The following MVB12B variants were observed in gnomAD, a reference collection of about 807,000 sequenced individuals.
MVB12B encodes multivesicular body subunit 12B, also known as ESCRT-I complex subunit MVB12B.
MVB12B carries 16 observed loss-of-function variants against 41.6 expected under a neutral mutation model. That is an observed-to-expected ratio of 0.38 (90% CI 0.26 to 0.58). MVB12B has a LOEUF of 0.58. MVB12B is among the 20% of genes least tolerant of loss of function. MVB12B has a pLI of 0.62. For synonymous variants in MVB12B, 133 were observed against 139.7 expected, an observed-to-expected ratio of 0.95 and a Z score of 0.34; for missense variants, 274 against 380.2, an observed-to-expected ratio of 0.72 and a Z score of 2.32.
chr9:126,375,485 A>G (rs1402212923), intron 2 of MVB12B, among the ~76,000 whole-genome samples: 1 of 147,326 alleles, frequency 6.8e-6, no homozygotes, highest in Non-Finnish European at 1.5e-5. Context: ...ACAGTTCTAA[A>G]TGCTCTCCCC....
At chr9:126,502,537 T>TCC (rs111554225) in intron 9 of MVB12B, among the ~76,000 whole-genome samples, 27 of 148,436 alleles carry the variant, frequency 1.8e-4, no homozygotes, top group African/African-American at 6.3e-4. Flanking sequence ...TGGAGGAAGG[T>TCC]CCCCCCACCG....
intron 7 of MVB12B, among the ~76,000 whole-genome samples, chr9:126,472,469 CAA>C (rs35537694): frequency 1.5e-5 from 2 of 135,194 alleles, no homozygotes; most frequent in Non-Finnish European, 1.6e-5. Context: ...GGTCAGCTGG[CAA>C]AAAAAAAAAA....
At chr9:126,404,708 T>G (rs1827582133) in intron 6 of MVB12B, among the ~76,000 whole-genome samples, 1 of 152,378 alleles carries the variant, frequency 6.6e-6, no homozygotes, top group South Asian at 2.1e-4. Flanking sequence ...GGTCGCCGAC[T>G]GAGGGAACAT....
chr9:126,415,088 C>T (rs922730044), intron 6 of MVB12B, among the ~76,000 whole-genome samples: 1 of 152,132 alleles, frequency 6.6e-6, no homozygotes, highest in Admixed American at 6.5e-5. Context: ...ACTCCCTTGG[C>T]TGGGAGCTGC....
At chr9:126,372,701 G>A (rs1397058677) in intron 2 of MVB12B, among the ~76,000 whole-genome samples, 1 of 152,196 alleles carries the variant, frequency 6.6e-6, no homozygotes, top group African/African-American at 2.4e-5. Flanking sequence ...GAGGCTCAGA[G>A]AGTAAAAGAG....
At chr9:126,365,228 T>TTTG (rs1188341267) in intron 2 of MVB12B, among the ~76,000 whole-genome samples, 1 of 143,640 alleles carries the variant, frequency 7.0e-6, no homozygotes. Context: ...TAATTTTTTT[T>TTTG]TTTTTTTTTT....
At chr9:126,377,292 G>GTGTGCACA (rs950354915) in intron 2 of MVB12B, among the ~76,000 whole-genome samples, 1 of 152,206 alleles carries the variant, frequency 6.6e-6, no homozygotes, top group Non-Finnish European at 1.5e-5. Context: ...GCATGTGCAT[G>GTGTGCACA]TGTGCACATG....
chr9:126,483,880 T>C lies in MVB12B; in HGVS notation c.814-93T>C. 8.5e-6 allele frequency: 11 copies of C among 1,292,962 alleles called. No individual in the cohort carries two copies. In the South Asian group the frequency reaches 1.4e-4, roughly 16 times the overall value. The allele number at this position is 1,292,962 out of a possible 1,614,324, so 80.1% of individuals were successfully genotyped here. ...GGTAGAGAAACGCTAGATCACACCG[T>C]GGCTTGAGGTGTTACCATTGTCATG... is the stretch of plus-strand genomic sequence containing the variant. On this transcript the variant is annotated intron_variant, in intron 8 of 9. Transcript: ENST00000361171.
chr9:126,348,381 C>A (rs1829655883), intron 2 of MVB12B, among the ~76,000 whole-genome samples: 1 of 152,178 alleles, frequency 6.6e-6, no homozygotes, highest in Non-Finnish European at 1.5e-5. Context: ...ACACTTAGCA[C>A]AGTGCTGGCA....
At chr9:126,492,041 C>A (rs1387982035) in intron 9 of MVB12B, among the ~76,000 whole-genome samples, 2 of 151,368 alleles carry the variant, frequency 1.3e-5, no homozygotes, top group African/African-American at 4.9e-5. Context: ...CCAAGGTTGT[C>A]CATGTTTATA....
At chr9:126,487,070 AC>A (rs1462251643) in intron 9 of MVB12B, among the ~76,000 whole-genome samples, 1 of 152,030 alleles carries the variant, frequency 6.6e-6, no homozygotes, top group Non-Finnish European at 1.5e-5. Context: ...CAGTGTGGCC[AC>A]CCCCAGGAGG....
chr9:126,461,332 T>C (rs1833084657), intron 7 of MVB12B, among the ~76,000 whole-genome samples: 2 of 152,222 alleles, frequency 1.3e-5, no homozygotes, highest in Non-Finnish European at 2.9e-5. Flanking sequence ...GATTCCCAAG[T>C]TTGTAATTAA....
chr9:126,444,322 G>T (rs781082167), intron 7 of MVB12B, among the ~76,000 whole-genome samples: 35 of 151,998 alleles, frequency 2.3e-4, no homozygotes, highest in Admixed American at 6.5e-4. Context: ...ACTTCTGCAT[G>T]TATGAAAGAG....
chr9:126,425,894 G>T (rs1832162761), intron 7 of MVB12B, among the ~76,000 whole-genome samples: 1 of 152,222 alleles, frequency 6.6e-6, no homozygotes, highest in Non-Finnish European at 1.5e-5. Flanking sequence ...CTGGGTTAGG[G>T]TCAGCAAACT....
At chr9:126,501,260 G>A (rs909858522) in intron 9 of MVB12B, among the ~76,000 whole-genome samples, 2 of 152,240 alleles carry the variant, frequency 1.3e-5, no homozygotes, top group Non-Finnish European at 2.9e-5. Flanking sequence ...GCTAGGGCGC[G>A]GCGGGCCCTG....
chr9:126,484,171 T>G lies in MVB12B; in HGVS notation c.873+139T>G, dbSNP rs570588390. 4.6e-5 allele frequency: 33 copies of G among 713,914 alleles called. 1 individual carries two copies. The South Asian group carries it at 5.9e-4, about 13-fold the overall frequency. The allele number at this position is 713,914 out of a possible 1,614,324, so 44.2% of individuals were successfully genotyped here. A position where few individuals can be genotyped will look rare whatever the true frequency, so the allele number is the denominator to read the frequency against. On this transcript the variant is annotated intron_variant, in intron 9 of 9. Transcript: ENST00000361171. Reference sequence around the variant, plus strand: ...CCGTTCTCTTCTGAGAAAAACACTTTCGTTGCACCCAAATGTGTTTCTTAG... The same window carrying G: ...CCGTTCTCTTCTGAGAAAAACACTTGCGTTGCACCCAAATGTGTTTCTTAG...
At position 126,386,629 on chromosome 9, in the gene MVB12B, T is replaced by A. The variant is rs761241798; in HGVS notation, c.380T>A (p.Phe127Tyr). 1 of 1,613,860 alleles carries A rather than the reference T, an allele frequency of 6.2e-7. No individual in the cohort carries two copies. Among genetic ancestry groups the A allele is most frequent in the Non-Finnish European group, 8.5e-7 (1 of 1,179,852 alleles). The change falls in exon 4 of 10, where the codon TTC (phenylalanine) becomes TAC (tyrosine). Residue 127 changes from phenylalanine (F) to tyrosine (Y), a missense_variant. Phe to Tyr is a conservative substitution (Grantham distance 22). Coordinates refer to ENST00000361171, the MANE Select transcript of MVB12B (RefSeq NM_033446.3). This position sits in a 1 kb window ranked among gnomAD's most constrained non-coding sequence, Gnocchi z 4.3. ...ATCAAGGACACACTGCCTGTGGGCT[T>A]CATCCCAATTCAGGAGACGGTGGAC... The part of the protein sequence containing the change: ...IDIKDTLPVG[F>Y]IPIQETVDTQ...
At chr9:126,502,655 C>T (rs1300077006) in intron 9 of MVB12B, among the ~76,000 whole-genome samples, 2 of 152,160 alleles carry the variant, frequency 1.3e-5, no homozygotes, top group Admixed American at 6.5e-5. Flanking sequence ...CCAGGGACAG[C>T]AGTGGAGGCC....
At chr9:126,383,551 G>A (rs1830690867) in intron 3 of MVB12B, among the ~76,000 whole-genome samples, 1 of 152,294 alleles carries the variant, frequency 6.6e-6, no homozygotes, top group South Asian at 2.1e-4. Context: ...AATAATTACA[G>A]TATACTAGCA....
Sources: allele counts gnomAD v4.1 joint callset (sites outside exome capture counted in the v4.1 genomes callset), GRCh38; gene constraint gnomAD v4.1.1; non-coding constraint Gnocchi (gnomAD v3.1); transcripts MANE v1.5; gene names NCBI Gene and HGNC (gene_info 2026-07-23, HGNC 2026-07-21).